PIK3R3: variants seen among roughly 807,000 people sequenced by gnomAD.
PIK3R3 encodes phosphatidylinositol 3-kinase regulatory subunit gamma.
PIK3R3 carries 64 observed loss-of-function variants against 62.9 expected under a neutral mutation model. That is an observed-to-expected ratio of 1.02 (90% CI 0.83 to 1.25). The LOEUF (loss-of-function observed/expected upper bound fraction) is 1.25. PIK3R3 is among the 50% of genes most tolerant of loss of function. The pLI is 0.00. For synonymous variants in PIK3R3, 165 were observed against 189.0 expected (o/e 0.87, Z 1.04); for missense variants, 614 against 561.6 (o/e 1.09, Z -0.94).
rs370501368 is a variant in PIK3R3 at position 46,045,644 on chromosome 1, T to TTTTTTTTTTTTTTTC, written c.1187+273_1187+274insGAAAAAAAAAAAAAA. Among the ~76,000 whole-genome samples, 103 of 82,680 alleles carry TTTTTTTTTTTTTTTC rather than the reference T, an allele frequency of 1.2e-3. 28 individuals carry two copies. The highest frequency in any genetic ancestry group is 3.7e-3 in the African/African-American group (78 of 21,282). The allele number at this position is 82,680 out of a possible 152,430, so 54.2% of individuals were successfully genotyped here. On this transcript the variant is annotated intron_variant, in intron 9 of 9. Transcript: ENST00000262741. The stretch of plus-strand genomic sequence containing the variant: ...TTTTTTTTTTTTTTTTTTTTTTTTT[T>TTTTTTTTTTTTTTTC]CAATTTAAGATCTCACATTACCTTT...
At chr1:46,087,864 C>T (rs1651235566) in intron 1 of PIK3R3, among the ~76,000 whole-genome samples, 1 of 152,050 alleles carries the variant, frequency 6.6e-6, no homozygotes, top group Admixed American at 6.6e-5. Context: ...CACAAAAAGA[C>T]AAGTATTATG....
the PIK3R3 span, among the ~76,000 whole-genome samples, chr1:46,143,228 A>G: frequency 6.6e-6 from 1 of 152,272 alleles, no homozygotes; most frequent in African/African-American, 2.4e-5. Flanking sequence ...TAGCTCCAAG[A>G]TCACTGCTAA....
At chr1:46,107,598 T>C (rs989186561) in intron 1 of PIK3R3, among the ~76,000 whole-genome samples, 1 of 152,150 alleles carries the variant, frequency 6.6e-6, no homozygotes, top group Non-Finnish European at 1.5e-5. Flanking sequence ...CAGCTTTCTA[T>C]ATGACTGTAT....
At chr1:46,046,846 GC>G in intron 7 of PIK3R3, 1 of 553,744 alleles carries the variant, frequency 1.8e-6, no homozygotes, top group East Asian at 3.0e-5. Context: ...AACATAGAGG[GC>G]TACTTGAAAT....
chr1:46,169,662 T>G, the PIK3R3 span, among the ~76,000 whole-genome samples: 4 of 151,936 alleles, frequency 2.6e-5, no homozygotes, highest in Admixed American at 2.6e-4. Context: ...GGGAGGCAAA[T>G]GGGCGTGTGA....
At chr1:46,107,559 C>T (rs927220894) in intron 1 of PIK3R3, among the ~76,000 whole-genome samples, 5 of 151,988 alleles carry the variant, frequency 3.3e-5, no homozygotes, top group Non-Finnish European at 5.9e-5. Context: ...CATCTCAAAA[C>T]AAAACAAAAC....
At chr1:46,128,538 G>C (rs942896234) in intron 1 of PIK3R3, among the ~76,000 whole-genome samples, 13 of 152,168 alleles carry the variant, frequency 8.5e-5, no homozygotes, top group Non-Finnish European at 2.9e-5. Context: ...TTTAGCCCTA[G>C]GCTACTACAA....
chr1:46,171,428 C>T, the PIK3R3 span, among the ~76,000 whole-genome samples: 2 of 152,168 alleles, frequency 1.3e-5, no homozygotes, highest in Non-Finnish European at 2.9e-5. Context: ...AAGCACTGGG[C>T]AGAGAGCCAG....
the PIK3R3 span, among the ~76,000 whole-genome samples, chr1:46,165,751 C>CTTTTTTTTTTTTTTTTTT: frequency 5.1e-5 from 2 of 39,554 alleles, 1 homozygote; most frequent in Non-Finnish European, 9.1e-5. Context: ...CTGCTTTGTC[C>CTTTTTTTTTTTTTTTTTT]TTTTTTTTTT....
chr1:46,046,431 A>T, intron 8 of PIK3R3, 120 bp downstream of exon 8: 1 of 730,506 alleles, frequency 1.4e-6, no homozygotes, highest in Non-Finnish European at 2.4e-6. Context: ...AAGATAGTCA[A>T]AGTTCTAGAT....
intron 1 of PIK3R3, among the ~76,000 whole-genome samples, chr1:46,115,329 T>C (rs1221867077): frequency 6.6e-6 from 1 of 152,220 alleles, no homozygotes; most frequent in Non-Finnish European, 1.5e-5. Context: ...TTGAGTTGCA[T>C]TTTCTGTTAT....
intron 1 of PIK3R3, among the ~76,000 whole-genome samples, chr1:46,095,888 C>T (rs72677541): frequency 0.2 from 29,711 of 152,148 alleles, 3,482 homozygotes; most frequent in Non-Finnish European, 0.26. Context: ...GCTTTGAAGA[C>T]TTCCCAAAAT....
At chr1:46,067,882 A>G (rs1298280788) in intron 3 of PIK3R3, among the ~76,000 whole-genome samples, 2 of 152,234 alleles carry the variant, frequency 1.3e-5, no homozygotes. Context: ...GATAATTTAT[A>G]ACTAAAGTTT....
At chr1:46,120,733 C>CT (rs1386277016) in intron 1 of PIK3R3, among the ~76,000 whole-genome samples, 4 of 152,180 alleles carry the variant, frequency 2.6e-5, no homozygotes, top group Non-Finnish European at 5.9e-5. Context: ...CCCTCTTCCT[C>CT]TTTAACAGAA....
the PIK3R3 span, among the ~76,000 whole-genome samples, chr1:46,173,935 G>A: frequency 6.6e-6 from 1 of 152,142 alleles, no homozygotes; most frequent in African/African-American, 2.4e-5. Context: ...CAGGGGCAGG[G>A]AAGTCTGGTG....
In PIK3R3 at chr1:46,045,617, CTTTTTTT is replaced by C. The variant is rs1031388121; in HGVS notation, c.1187+294_1187+300del. ...TAGGATACTACTAAACAATTAAGTGCTTTTTTTTTTTTTTTTTTTTTTTTTTTCAATT... is the reference window on the plus strand; with the variant it reads ...TAGGATACTACTAAACAATTAAGTGCTTTTTTTTTTTTTTTTTTTTCAATT... On this transcript the variant is annotated intron_variant, in intron 9 of 9. Coordinates refer to ENST00000262741, the MANE Select transcript of PIK3R3 (RefSeq NM_003629.4). 1.6e-3 allele frequency among the ~76,000 whole-genome samples: 34 copies of C among 21,212 alleles called. 1 individual carries two copies. Among genetic ancestry groups the C allele is most frequent in the South Asian group, 0.015 (9 of 590 alleles). The allele number at this position is 21,212 out of a possible 152,430, so 13.9% of individuals were successfully genotyped here. A position where few individuals can be genotyped will look rare whatever the true frequency, so the allele number is the denominator to read the frequency against.
At chr1:46,139,682 G>C in the PIK3R3 span, among the ~76,000 whole-genome samples, 2 of 152,040 alleles carry the variant, frequency 1.3e-5, no homozygotes, top group Non-Finnish European at 1.5e-5. Flanking sequence ...CATCCTCCTC[G>C]TCTTTCCTCT....
chr1:46,088,237 A>G (rs1651278688), intron 1 of PIK3R3, among the ~76,000 whole-genome samples: 1 of 152,176 alleles, frequency 6.6e-6, no homozygotes, highest in African/African-American at 2.4e-5. Context: ...ATAAATAAAT[A>G]TTTTAAAAGA....
chr1:46,132,971 C>T (rs1342040788), upstream of PIK3R3: 29 of 1,107,720 alleles, frequency 2.6e-5, no homozygotes, highest in Non-Finnish European at 3.1e-5. Flanking sequence ...AGCACGCGAG[C>T]CAGGCGAGGA....
Sources: allele counts gnomAD v4.1 joint callset (sites outside exome capture counted in the v4.1 genomes callset), GRCh38; gene constraint gnomAD v4.1.1; transcripts MANE v1.5; gene names NCBI Gene and HGNC (gene_info 2026-07-23, HGNC 2026-07-21).